The following PRICKLE1 variants were observed in gnomAD, a reference collection of about 807,000 sequenced individuals.
The protein encoded by PRICKLE1 is prickle-like protein 1.
A neutral mutation model predicts 70.2 loss-of-function variants in PRICKLE1; 14 were observed. That is an observed-to-expected ratio of 0.20 (90% CI 0.13 to 0.31). PRICKLE1 has a LOEUF of 0.31. Ranked by LOEUF, PRICKLE1 falls within the 10% of genes least tolerant of loss-of-function variation. PRICKLE1 has a pLI of 1.00. For missense variants in PRICKLE1, 821 were observed against 1,026.2 expected (o/e 0.80, Z 2.73); for synonymous variants, 357 against 379.9 (o/e 0.94, Z 0.70).
chr12:42,543,859 C>A (rs1321999941), intron 1 of PRICKLE1, among the ~76,000 whole-genome samples: 1 of 152,140 alleles, frequency 6.6e-6, no homozygotes. Flanking sequence ...CTGCTGTTGA[C>A]CAGAAGCCTC....
chr12:42,493,556 C>T (rs1015745631), intron 1 of PRICKLE1, among the ~76,000 whole-genome samples: 3 of 152,168 alleles, frequency 2.0e-5, no homozygotes, highest in East Asian at 1.9e-4. Context: ...TATTGTCCTT[C>T]GTCTTCTATT....
chr12:42,487,423 A>T (rs1218262545), intron 1 of PRICKLE1, among the ~76,000 whole-genome samples: 2 of 152,198 alleles, frequency 1.3e-5, no homozygotes, highest in African/African-American at 4.8e-5. Flanking sequence ...GATTATATTT[A>T]AAGCAATGTG....
chr12:42,560,922 A>G (rs530766517), intron 1 of PRICKLE1, among the ~76,000 whole-genome samples: 6 of 152,338 alleles, frequency 3.9e-5, no homozygotes, highest in African/African-American at 1.4e-4. Flanking sequence ...CCTCAAAAAG[A>G]ACAAAAATGT....
At chr12:42,544,779 G>T (rs138624297) in intron 1 of PRICKLE1, among the ~76,000 whole-genome samples, 3 of 152,248 alleles carry the variant, frequency 2.0e-5, no homozygotes, top group East Asian at 1.9e-4. Context: ...TAGTTACCTG[G>T]CTGCTGAAGG....
intron 1 of PRICKLE1, among the ~76,000 whole-genome samples, chr12:42,488,973 C>T (rs1232800307): frequency 6.8e-6 from 1 of 147,588 alleles, no homozygotes; most frequent in Non-Finnish European, 1.5e-5. Context: ...GCCCAGGCTG[C>T]AGTGCAATGG....
intron 1 of PRICKLE1, among the ~76,000 whole-genome samples, chr12:42,478,438 G>T (rs1938657559): frequency 6.6e-6 from 1 of 152,156 alleles, no homozygotes; most frequent in African/African-American, 2.4e-5. Context: ...GGTTTGTTCA[G>T]GTTCCAAATA....
At chr12:42,559,586 T>TTA (rs1940466233) in intron 1 of PRICKLE1, among the ~76,000 whole-genome samples, 4 of 142,780 alleles carry the variant, frequency 2.8e-5, no homozygotes, top group Middle Eastern at 3.6e-3. Context: ...ATGTGTGTGT[T>TTA]TATGTGTGTG....
At chr12:42,546,848 C>T (rs965412371) in intron 1 of PRICKLE1, among the ~76,000 whole-genome samples, 2 of 152,168 alleles carry the variant, frequency 1.3e-5, no homozygotes, top group African/African-American at 4.8e-5. Flanking sequence ...CTGAATTATG[C>T]AGTTTTGTGG....
chr12:42,488,042 A>G (rs370875913), intron 1 of PRICKLE1, among the ~76,000 whole-genome samples: 1 of 152,206 alleles, frequency 6.6e-6, no homozygotes, highest in South Asian at 2.1e-4. Context: ...CCCTGTCTCC[A>G]AAACATAAAT....
At chr12:42,485,882 T>C (rs1367259554) in intron 1 of PRICKLE1, among the ~76,000 whole-genome samples, 1 of 152,224 alleles carries the variant, frequency 6.6e-6, no homozygotes, top group Non-Finnish European at 1.5e-5. Flanking sequence ...TTATTACCCA[T>C]TGTAAGCGTT....
intron 1 of PRICKLE1, among the ~76,000 whole-genome samples, chr12:42,573,523 C>A (rs1940756849): frequency 6.6e-6 from 1 of 151,978 alleles, no homozygotes; most frequent in Non-Finnish European, 1.5e-5. Context: ...GTATTTTATT[C>A]TAAGATAAAA....
At chr12:42,572,465 A>AATTAATT (rs1566132161) in intron 1 of PRICKLE1, among the ~76,000 whole-genome samples, 31 of 148,856 alleles carry the variant, frequency 2.1e-4, no homozygotes, top group African/African-American at 7.8e-4. Context: ...ATAAATAAAT[A>AATTAATT]AATAAATTAA....
chr12:42,588,300 A>AC (rs1417993705), intron 1 of PRICKLE1, among the ~76,000 whole-genome samples: 6 of 152,184 alleles, frequency 3.9e-5, no homozygotes, highest in Non-Finnish European at 8.8e-5. Context: ...TATAACATCA[A>AC]CTGCAGGCAC....
intron 1 of PRICKLE1, among the ~76,000 whole-genome samples, chr12:42,530,154 G>A (rs534079619): frequency 5.3e-5 from 8 of 152,156 alleles, no homozygotes; most frequent in African/African-American, 1.7e-4. Flanking sequence ...ATGTTGGCCA[G>A]GTTGGTCTTG....
At chr12:42,557,215 G>GA (rs1296585975) in intron 1 of PRICKLE1, among the ~76,000 whole-genome samples, 1 of 152,150 alleles carries the variant, frequency 6.6e-6, no homozygotes, top group East Asian at 1.9e-4. Flanking sequence ...AATAATGGTT[G>GA]AAGGCTTTTA....
intron 1 of PRICKLE1, among the ~76,000 whole-genome samples, chr12:42,498,327 C>G (rs1346018535): frequency 6.6e-6 from 1 of 151,938 alleles, no homozygotes; most frequent in Non-Finnish European, 1.5e-5. Flanking sequence ...GTGTGTGTCA[C>G]CACCCTGGTT....
In PRICKLE1 at chr12:42,512,158, A is replaced by G. The variant is rs188639974; in HGVS notation, c.-48-39594T>C. On this transcript the variant is annotated intron_variant, in intron 1 of 7. Transcript: ENST00000345127. Reference sequence around the variant, plus strand: ...GATAGGGTTCAGACAAAGTTTCCAGATATGGACAGATATGTGTTTTGGTTT... The same window carrying G: ...GATAGGGTTCAGACAAAGTTTCCAGGTATGGACAGATATGTGTTTTGGTTT... 3.4e-3 allele frequency among the ~76,000 whole-genome samples: 497 copies of G among 147,834 alleles called. 3 individuals are homozygous for G. Among genetic ancestry groups the G allele is most frequent in the Middle Eastern group, 6.8e-3 (2 of 294 alleles).
intron 7 of PRICKLE1, chr12:42,463,788 C>G: frequency 6.2e-6 from 1 of 160,224 alleles, no homozygotes; most frequent in Non-Finnish European, 1.4e-5. Flanking sequence ...CAGAATAATT[C>G]AAGCGTACAA....
intron 1 of PRICKLE1, among the ~76,000 whole-genome samples, chr12:42,588,685 C>T (rs1393954905): frequency 4.6e-5 from 7 of 152,156 alleles, no homozygotes; most frequent in African/African-American, 7.2e-5. Flanking sequence ...CTCCCTCTCT[C>T]CCAACCCCCA....
Sources: allele counts gnomAD v4.1 joint callset (sites outside exome capture counted in the v4.1 genomes callset), GRCh38; gene constraint gnomAD v4.1.1; transcripts MANE v1.5; gene names NCBI Gene and HGNC (gene_info 2026-07-23, HGNC 2026-07-21).